Variants in LPP observed in about 807,000 individuals in gnomAD.
LPP encodes lipoma-preferred partner.
A neutral mutation model predicts 60.4 loss-of-function variants in LPP; 38 were observed. The ratio of observed to expected loss-of-function variants is 0.63; its 90% confidence interval spans 0.49 to 0.83. The LOEUF is 0.83. Among genes scored for constraint, LPP ranks in the 40% least tolerant of loss-of-function variants. LPP has a pLI of 0.00. For synonymous variants in LPP, 328 were observed against 290.8 expected (o/e 1.13, Z -1.30); for missense variants, 902 against 783.6 (o/e 1.15, Z -1.80).
rs78826792 is a variant in LPP at position 188,606,564 on chromosome 3, G to A, written c.430-2597G>A. On this transcript the variant is annotated intron_variant, in intron 6 of 11. Coordinates refer to ENST00000617246, the MANE Select transcript of LPP (RefSeq NM_001375462.1). ...TAAGCAGCCTGGATATTCTTGTCTTGTTGGTGGAGGGGCTTTACCTTTCTG... is the reference window on the plus strand; with the variant it reads ...TAAGCAGCCTGGATATTCTTGTCTTATTGGTGGAGGGGCTTTACCTTTCTG... Among the ~76,000 whole-genome samples the A allele has an allele frequency of 3.2e-3, 491 of 152,096 alleles. 1 individual carries two copies. The highest frequency in any genetic ancestry group is 0.011 in the African/African-American group (440 of 41,492).
At chr3:188,157,425 A>G (rs1158738302) in intron 1 of LPP, among the ~76,000 whole-genome samples, 1 of 152,104 alleles carries the variant, frequency 6.6e-6, no homozygotes, top group Non-Finnish European at 1.5e-5. Context: ...TGATTTCAGA[A>G]CTATGCTGAA....
chr3:188,633,822 T>C (rs1053070150), intron 7 of LPP, among the ~76,000 whole-genome samples: 5 of 152,234 alleles, frequency 3.3e-5, no homozygotes, highest in African/African-American at 1.2e-4. Flanking sequence ...GCCTCTTCAA[T>C]ATGTTGTATA....
chr3:188,205,068 T>A (rs1343411145), intron 1 of LPP, among the ~76,000 whole-genome samples: 1 of 152,156 alleles, frequency 6.6e-6, no homozygotes, highest in Non-Finnish European at 1.5e-5. Flanking sequence ...GCTTTTCCAT[T>A]TGAGTATCTA....
chr3:188,178,356 G>T (rs560538161), intron 1 of LPP, among the ~76,000 whole-genome samples: 4 of 152,290 alleles, frequency 2.6e-5, no homozygotes, highest in South Asian at 4.2e-4. Flanking sequence ...TAGGGTGATT[G>T]TCCATGTTTC....
At chr3:188,760,484 C>T (rs181347219) in intron 9 of LPP, among the ~76,000 whole-genome samples, 1 of 150,994 alleles carries the variant, frequency 6.6e-6, no homozygotes, top group East Asian at 1.9e-4. Flanking sequence ...CTACACATCC[C>T]CCATTCATAA....
At chr3:188,258,569 C>G (rs1291118503) in intron 2 of LPP, among the ~76,000 whole-genome samples, 2 of 152,194 alleles carry the variant, frequency 1.3e-5, no homozygotes, top group Non-Finnish European at 2.9e-5. Flanking sequence ...GATTCTCCCA[C>G]CTTGGCCTCC....
intron 9 of LPP, among the ~76,000 whole-genome samples, chr3:188,800,333 C>T (rs1746731587): frequency 6.7e-6 from 1 of 150,252 alleles, no homozygotes; most frequent in African/African-American, 2.4e-5. Flanking sequence ...GCAAGCTCCA[C>T]CTCCCAGGTT....
At chr3:188,607,955 A>G (rs1842853894) in intron 6 of LPP, among the ~76,000 whole-genome samples, 1 of 152,112 alleles carries the variant, frequency 6.6e-6, no homozygotes, top group Admixed American at 6.5e-5. Context: ...TTTTTCCATT[A>G]GTCATTTTCT....
Position 188,609,636 on chromosome 3 carries a change from C to T in LPP, c.905C>T (p.Ala302Val), listed in dbSNP as rs1345762977. 1.2e-6 allele frequency: 2 copies of T among 1,614,026 alleles called. No homozygotes were observed. The highest frequency in any genetic ancestry group is 2.7e-5 in the African/African-American group (2 of 74,930). ...NQGRYYEGYY[A>V]AGPGYGGRND... ...GGACGCTATTATGAAGGCTACTATG[C>T]AGCAGGGCCAGGCTATGGGGGCAGA... The change falls in exon 7 of 12, where the codon GCA (alanine) becomes GTA (valine). Residue 302 changes from alanine to valine, a missense_variant. Coordinates refer to ENST00000617246, the MANE Select transcript of LPP (RefSeq NM_001375462.1). This position sits in a 1 kb window ranked among gnomAD's most constrained non-coding sequence, Gnocchi z 6.9.
At chr3:188,316,942 T>A (rs13087539) in intron 2 of LPP, among the ~76,000 whole-genome samples, 68,244 of 151,988 alleles carry the variant, frequency 0.45, 18,018 homozygotes, top group East Asian at 0.71. Flanking sequence ...ACCTCCCTTG[T>A]CAGGCCCAAC....
At chr3:188,406,378 T>C in intron 4 of LPP, 65 bp downstream of exon 4, 1 of 1,406,648 alleles carries the variant, frequency 7.1e-7, no homozygotes, top group Non-Finnish European at 9.9e-7. Context: ...AGGTGATTTG[T>C]AGTACAAAGT....
In LPP at chr3:188,870,138, ATG is replaced by A. The variant is rs969822768; in HGVS notation, c.1590-2493_1590-2492del. Among the ~76,000 whole-genome samples the A allele has an allele frequency of 1.5e-3, 233 of 151,764 alleles. 1 individual carries two copies. The highest frequency in any genetic ancestry group is 5.3e-3 in the African/African-American group (217 of 41,324). On this transcript the variant is annotated intron_variant, in intron 10 of 11. Transcript: ENST00000617246. ...GTCTGACTGGTATAGAAATATACAT[ATG>A]TGTGTGTGTGTATATACATATGTGT... is the stretch of plus-strand genomic sequence containing the variant.
rs929382358 is a variant in LPP at position 188,499,910 on chromosome 3, A to T, written c.306+15206A>T. Among the ~76,000 whole-genome samples, 88 of 151,754 alleles carry T rather than the reference A, an allele frequency of 5.8e-4. 1 individual carries two copies. The highest frequency in any genetic ancestry group is 2.0e-3 in the African/African-American group (82 of 41,326). On this transcript the variant is annotated intron_variant, in intron 5 of 11. Transcript: ENST00000617246. ...AATGATTTGCTTAATTTCCTTTTTG[A>T]ATTGTTCATTGTTGATACAAATGTA...
chr3:188,344,248 A>G (rs760644285), intron 3 of LPP, among the ~76,000 whole-genome samples: 7 of 152,232 alleles, frequency 4.6e-5, no homozygotes, highest in Non-Finnish European at 8.8e-5. Context: ...ATTGTTTATT[A>G]TAATTTGGTG....
intron 9 of LPP, among the ~76,000 whole-genome samples, chr3:188,762,146 G>T (rs1377798771): frequency 6.6e-6 from 1 of 152,136 alleles, no homozygotes; most frequent in Non-Finnish European, 1.5e-5. Context: ...AAATCATATA[G>T]ACAGTATTGG....
intron 9 of LPP, among the ~76,000 whole-genome samples, chr3:188,843,637 A>G (rs28524026): frequency 0.31 from 46,403 of 149,890 alleles, 8,866 homozygotes; most frequent in East Asian, 0.84. Context: ...AATACAAAAA[A>G]TTAGCCGGGC....
chr3:188,774,520 A>C (rs1243966928), intron 9 of LPP, among the ~76,000 whole-genome samples: 2 of 152,204 alleles, frequency 1.3e-5, no homozygotes, highest in African/African-American at 4.8e-5. Flanking sequence ...CACCCAAAGC[A>C]ATACCTCTCA....
intron 9 of LPP, 55 bp downstream of exon 9, chr3:188,760,337 AT>A: frequency 6.4e-7 from 1 of 1,570,922 alleles, no homozygotes; most frequent in African/African-American, 1.3e-5. Flanking sequence ...CTGTGGCTGA[AT>A]GCCAGTCACT....
At chr3:188,543,524 T>C (rs1560542160) in intron 6 of LPP, among the ~76,000 whole-genome samples, 1 of 152,182 alleles carries the variant, frequency 6.6e-6, no homozygotes, top group Non-Finnish European at 1.5e-5. Context: ...AGGTGGTTTT[T>C]AATTTTTTTA....
Sources: allele counts gnomAD v4.1 joint callset (sites outside exome capture counted in the v4.1 genomes callset), GRCh38; gene constraint gnomAD v4.1.1; non-coding constraint Gnocchi (gnomAD v3.1); transcripts MANE v1.5; gene names NCBI Gene and HGNC (gene_info 2026-07-23, HGNC 2026-07-21).